XKR4: variants seen among roughly 807,000 people sequenced by gnomAD.
XKR4 encodes XK-related protein 4.
A neutral mutation model predicts 53.9 loss-of-function variants in XKR4; 12 were observed. The ratio of observed to expected loss-of-function variants is 0.22; its 90% CI spans 0.14 to 0.36. The LOEUF is 0.36. XKR4 is among the 10% of genes least tolerant of loss of function. XKR4 has a pLI of 1.00. For missense variants in XKR4, 799 were observed against 859.5 expected, an observed-to-expected ratio of 0.93 and a Z score of 0.88; for synonymous variants, 354 against 362.4, an observed-to-expected ratio of 0.98 and a Z score of 0.26.
chr8:55,323,889 AT>A (rs1037000658), intron 1 of XKR4, among the ~76,000 whole-genome samples: 1 of 151,226 alleles, frequency 6.6e-6, no homozygotes, highest in Non-Finnish European at 1.5e-5. Context: ...TTGTCTAGCC[AT>A]TTTTTTTAAA....
intron 2 of XKR4, among the ~76,000 whole-genome samples, chr8:55,502,856 C>G (rs1442244265): frequency 6.6e-6 from 1 of 152,044 alleles, no homozygotes; most frequent in Non-Finnish European, 1.5e-5. Context: ...TTAGTTTTTA[C>G]ATTTAGGCTT....
intron 2 of XKR4, among the ~76,000 whole-genome samples, chr8:55,380,830 A>G (rs1293318901): frequency 6.6e-6 from 1 of 152,276 alleles, no homozygotes; most frequent in Non-Finnish European, 1.5e-5. Context: ...TAATTCACGC[A>G]GTTGACCTAT....
At chr8:55,302,981 C>G (rs1422902784) in intron 1 of XKR4, among the ~76,000 whole-genome samples, 6 of 152,122 alleles carry the variant, frequency 3.9e-5, no homozygotes, top group East Asian at 1.9e-4. Flanking sequence ...AATTGAATAC[C>G]CTTTATTTCC....
intron 2 of XKR4, chr8:55,453,506 C>A: frequency 5.1e-6 from 2 of 388,830 alleles, no homozygotes; most frequent in Non-Finnish European, 1.0e-5. Context: ...CTGCCCTGGG[C>A]TCTTGACCTG....
chr8:55,262,033 G>A (rs1048628236), intron 1 of XKR4, among the ~76,000 whole-genome samples: 2 of 152,136 alleles, frequency 1.3e-5, no homozygotes, highest in African/African-American at 4.8e-5. Flanking sequence ...GAATAAGGTT[G>A]AGACGAACTT....
chr8:55,469,095 C>G (rs1002727882), intron 2 of XKR4, among the ~76,000 whole-genome samples: 1 of 152,080 alleles, frequency 6.6e-6, no homozygotes, highest in Admixed American at 6.5e-5. Flanking sequence ...TATCTAAGGA[C>G]AGAATATTTC....
intron 2 of XKR4, among the ~76,000 whole-genome samples, chr8:55,360,785 T>G (rs1803891546): frequency 6.6e-6 from 1 of 152,234 alleles, no homozygotes; most frequent in Non-Finnish European, 1.5e-5. Context: ...ATTTTATAAC[T>G]GTTATTAGGT....
intron 1 of XKR4, among the ~76,000 whole-genome samples, chr8:55,324,636 G>C (rs1416426541): frequency 1.3e-5 from 2 of 152,140 alleles, no homozygotes; most frequent in Non-Finnish European, 2.9e-5. Context: ...CACTGTAGGG[G>C]AAAACTATCA....
chr8:55,434,617 T>A (rs1228861755), intron 2 of XKR4, among the ~76,000 whole-genome samples: 1 of 152,188 alleles, frequency 6.6e-6, no homozygotes. Flanking sequence ...AGTTTTATCA[T>A]TATTATTTAT....
intron 2 of XKR4, among the ~76,000 whole-genome samples, chr8:55,443,550 A>C (rs1231873503): frequency 3.0e-5 from 4 of 133,458 alleles, no homozygotes; most frequent in Admixed American, 1.5e-4. Context: ...AAAAAAAAAA[A>C]AAAAAACAGA....
intron 1 of XKR4, among the ~76,000 whole-genome samples, chr8:55,137,308 A>C (rs889036046): frequency 1.3e-5 from 2 of 152,136 alleles, no homozygotes; most frequent in Non-Finnish European, 2.9e-5. Context: ...CCTCTCCCTA[A>C]AGATTTTAAA....
At chr8:55,411,956 C>T (rs565184673) in intron 2 of XKR4, among the ~76,000 whole-genome samples, 1 of 152,338 alleles carries the variant, frequency 6.6e-6, no homozygotes, top group African/African-American at 2.4e-5. Flanking sequence ...AGGAGATTCA[C>T]ATTTAGTCTA....
intron 1 of XKR4, among the ~76,000 whole-genome samples, chr8:55,114,358 G>C (rs112822247): frequency 2.0e-3 from 304 of 152,122 alleles, no homozygotes; most frequent in African/African-American, 7.1e-3. Flanking sequence ...ATGTCTGTTG[G>C]CTGCTTATAT....
intron 1 of XKR4, among the ~76,000 whole-genome samples, chr8:55,255,822 G>A (rs923011602): frequency 1.3e-5 from 2 of 152,100 alleles, no homozygotes; most frequent in Non-Finnish European, 2.9e-5. Context: ...CAGAGCTGGT[G>A]CGATACAAAT....
chr8:55,321,608 A>C (rs1803214016), intron 1 of XKR4, among the ~76,000 whole-genome samples: 1 of 152,140 alleles, frequency 6.6e-6, no homozygotes, highest in Non-Finnish European at 1.5e-5. Flanking sequence ...TAGAATTTTT[A>C]CCTTAAATGG....
intron 1 of XKR4, chr8:55,164,453 C>A (rs1470469497): frequency 4.4e-6 from 2 of 456,172 alleles, no homozygotes; most frequent in Non-Finnish European, 8.8e-6. Context: ...GAGGACAGAG[C>A]TGGAAGTAGT....
chr8:55,306,092 G>C (rs1355941233), intron 1 of XKR4, among the ~76,000 whole-genome samples: 2 of 152,144 alleles, frequency 1.3e-5, no homozygotes, highest in Non-Finnish European at 2.9e-5. Context: ...CCACAATTTT[G>C]TTTAAAGTGG....
chr8:55,416,661 G>A (rs913900313), intron 2 of XKR4, among the ~76,000 whole-genome samples: 13 of 152,208 alleles, frequency 8.5e-5, no homozygotes, highest in Non-Finnish European at 1.8e-4. Context: ...AGAAGAGGAC[G>A]ATGGCAGGGG....
chr8:55,154,464 TTTAC>T (rs1816879928), intron 1 of XKR4, among the ~76,000 whole-genome samples: 1 of 152,190 alleles, frequency 6.6e-6, no homozygotes, highest in Non-Finnish European at 1.5e-5. Context: ...ATTTTCTACT[TTTAC>T]TTAGTTTTTA....
Sources: gnomAD v4.1 joint callset for allele counts (sites outside exome capture counted in the v4.1 genomes callset) on GRCh38, gnomAD v4.1.1 for gene constraint, MANE v1.5 for transcripts, NCBI Gene and HGNC (gene_info 2026-07-23, HGNC 2026-07-21) for gene names.